The following SPEN variants were observed in gnomAD, a reference collection of about 807,000 sequenced individuals.
SPEN encodes the protein spen family transcriptional repressor.
SPEN carries 18 observed loss-of-function variants against 269.9 expected under a neutral mutation model. That is an observed-to-expected ratio of 0.07 (90% CI 0.05 to 0.10). The LOEUF (loss-of-function observed/expected upper bound fraction) is 0.10. Ranked by LOEUF, SPEN falls within the 10% of genes least tolerant of loss-of-function variation. The pLI, the probability that SPEN is intolerant of heterozygous loss-of-function variation, is 1.00. For missense variants in SPEN, 3,822 were observed against 4,631.2 expected (o/e 0.83, Z 5.07); for synonymous variants, 1,726 against 1,765.7 (o/e 0.98, Z 0.56).
Position 15,930,905 on chromosome 1 carries a change from C to T in SPEN, c.4665C>T (p.Phe1555=). 1 of 1,614,048 alleles carries T rather than the reference C, an allele frequency of 6.2e-7. No homozygotes were observed. Among genetic ancestry groups the T allele is most frequent in the Non-Finnish European group, 8.5e-7 (1 of 1,180,010 alleles). The change falls in exon 11 of 15, where the codon TTC becomes TTT. Residue 1555 remains phenylalanine (F), a synonymous_variant. Transcript: ENST00000375759. This position sits in a 1 kb window ranked among gnomAD's most constrained non-coding sequence, Gnocchi z 5.3. ...HLERKEEDSD[F]ISGRIYGKQT... is the part of the protein sequence containing the mutation. ...AGAGAAAAGAGGAAGATTCTGACTTCATTTCTGGTAGGATCTATGGGAAGC... is the reference window on the plus strand; with the variant it reads ...AGAGAAAAGAGGAAGATTCTGACTTTATTTCTGGTAGGATCTATGGGAAGC...
intron 1 of SPEN, among the ~76,000 whole-genome samples, chr1:15,857,722 A>G (rs1569967034): frequency 6.6e-6 from 1 of 151,676 alleles, no homozygotes; most frequent in African/African-American, 2.4e-5. Flanking sequence ...GTGTAATGGC[A>G]TAATTATGGT....
At chr1:15,918,417 C>G (rs1222050101) in intron 6 of SPEN, among the ~76,000 whole-genome samples, 1 of 152,184 alleles carries the variant, frequency 6.6e-6, no homozygotes, top group African/African-American at 2.4e-5. Flanking sequence ...CAGGTTTTCA[C>G]CGTGTTGGCC....
chr1:15,859,522 A>G (rs2070421445), intron 1 of SPEN, among the ~76,000 whole-genome samples: 1 of 150,996 alleles, frequency 6.6e-6, no homozygotes, highest in African/African-American at 2.4e-5. Flanking sequence ...AGCCCCCGCC[A>G]CCACGCCCGG....
chr1:15,900,479 G>A (rs1020536154), intron 3 of SPEN, among the ~76,000 whole-genome samples: 1 of 152,046 alleles, frequency 6.6e-6, no homozygotes, highest in Admixed American at 6.6e-5. Context: ...TAGTGACCTT[G>A]GTTTTGAATG....
chr1:15,908,238 G>A (rs2070978918), intron 3 of SPEN, among the ~76,000 whole-genome samples: 1 of 151,644 alleles, frequency 6.6e-6, no homozygotes, highest in Admixed American at 6.6e-5. Flanking sequence ...TGTTTGTTTT[G>A]TTTGTTTTAA....
intron 3 of SPEN, among the ~76,000 whole-genome samples, chr1:15,900,416 T>C (rs1051096631): frequency 2.0e-5 from 3 of 152,232 alleles, no homozygotes; most frequent in African/African-American, 7.2e-5. Flanking sequence ...CAATATTGTA[T>C]ATATTTTACT....
At position 15,911,314 on chromosome 1, in the gene SPEN, C is replaced by G. The variant is rs1180235758; in HGVS notation, c.1243+13C>G. ...TGGATAGGTCCAGGTAAGACACAAG[C>G]AAGCTGAGTTTGAGTTACTCATCAC... On this transcript the variant is annotated intron_variant, in intron 5 of 14. Transcript: ENST00000375759. 2 of 1,611,926 alleles carry G rather than the reference C, an allele frequency of 1.2e-6. No homozygotes were observed. The highest frequency in any genetic ancestry group is 1.7e-6 in the Non-Finnish European group (2 of 1,178,306).
intron 1 of SPEN, among the ~76,000 whole-genome samples, chr1:15,870,426 G>T (rs973216632): frequency 1.3e-5 from 2 of 152,088 alleles, no homozygotes; most frequent in African/African-American, 2.4e-5. Context: ...AGTAAAGATG[G>T]GATCTCATTC....
At chr1:15,908,553 G>C (rs2070982624) in intron 3 of SPEN, among the ~76,000 whole-genome samples, 1 of 152,102 alleles carries the variant, frequency 6.6e-6, no homozygotes, top group African/African-American at 2.4e-5. Context: ...CTCCCGAGTG[G>C]CTGGGACTGC....
chr1:15,869,953 C>G (rs1333364622), intron 1 of SPEN, among the ~76,000 whole-genome samples: 1 of 151,928 alleles, frequency 6.6e-6, no homozygotes, highest in East Asian at 1.9e-4. Flanking sequence ...TGCAACCTCA[C>G]TGCCTTCTGG....
At chr1:15,851,573 C>G (rs1007380806) in intron 1 of SPEN, among the ~76,000 whole-genome samples, 2 of 152,280 alleles carry the variant, frequency 1.3e-5, no homozygotes, top group Non-Finnish European at 2.9e-5. Flanking sequence ...TATTTAACAT[C>G]TTTATCTTTT....
intron 1 of SPEN, among the ~76,000 whole-genome samples, chr1:15,867,234 T>C (rs2070523785): frequency 6.6e-6 from 1 of 152,242 alleles, no homozygotes; most frequent in South Asian, 2.1e-4. Context: ...TATTATGGAA[T>C]CATACAGTAT....
intron 10 of SPEN, among the ~76,000 whole-genome samples, chr1:15,926,732 G>A (rs917702901): frequency 3.4e-5 from 5 of 147,562 alleles, no homozygotes; most frequent in Non-Finnish European, 3.0e-5. Context: ...TCGCTGTGTC[G>A]CCCAAGCTGG....
In SPEN at chr1:15,932,774, C is replaced by G; in HGVS notation, c.6534C>G (p.Ile2178Met). 6.2e-7 allele frequency: 1 copy of G among 1,614,196 alleles called. No individual in the cohort carries two copies. The highest frequency in any genetic ancestry group is 8.5e-7 in the Non-Finnish European group (1 of 1,180,028). The change falls in exon 11 of 15, where the codon ATC (isoleucine) becomes ATG (methionine). Residue 2178 changes from isoleucine to methionine, a missense_variant. By Grantham distance (10) the Ile-to-Met change is conservative. Transcript: ENST00000375759. This position sits in a 1 kb window ranked among gnomAD's most constrained non-coding sequence, Gnocchi z 4.2. ...AGCTGGAGCAGGCCGTGGAACACATCGCAAAGCTCGCTGAGGCCTCTGCCT... is the reference window on the plus strand; with the variant it reads ...AGCTGGAGCAGGCCGTGGAACACATGGCAAAGCTCGCTGAGGCCTCTGCCT... ...QMELEQAVEH[I>M]AKLAEASASA...
chr1:15,882,599 G>T (rs1176819153), intron 3 of SPEN, among the ~76,000 whole-genome samples: 1 of 152,206 alleles, frequency 6.6e-6, no homozygotes, highest in African/African-American at 2.4e-5. Flanking sequence ...GATGGAGGTT[G>T]CAGTGAGCCA....
chr1:15,890,966 C>T (rs1032111247), intron 3 of SPEN, among the ~76,000 whole-genome samples: 48 of 152,200 alleles, frequency 3.2e-4, no homozygotes, highest in African/African-American at 1.1e-3. Flanking sequence ...AGCCACATTT[C>T]AAGTGCTCAA....
At chr1:15,858,897 C>T (rs2070412871) in intron 1 of SPEN, among the ~76,000 whole-genome samples, 1 of 152,172 alleles carries the variant, frequency 6.6e-6, no homozygotes, top group African/African-American at 2.4e-5. Context: ...TGAGCCGATA[C>T]TGCGCTGCCG....
intron 3 of SPEN, among the ~76,000 whole-genome samples, chr1:15,894,629 C>G (rs1358349469): frequency 6.6e-6 from 1 of 150,578 alleles, no homozygotes; most frequent in African/African-American, 2.5e-5. Flanking sequence ...CAACCTCCGC[C>G]TCCTGGGTTC....
intron 3 of SPEN, among the ~76,000 whole-genome samples, chr1:15,891,262 C>T (rs745602788): frequency 4.6e-5 from 7 of 152,072 alleles, no homozygotes; most frequent in Non-Finnish European, 8.8e-5. Context: ...TCATGGCTCA[C>T]TGCAACCTTG....
Sources: allele counts gnomAD v4.1 joint callset (sites outside exome capture counted in the v4.1 genomes callset), GRCh38; gene constraint gnomAD v4.1.1; non-coding constraint Gnocchi (gnomAD v3.1); transcripts MANE v1.5; gene names NCBI Gene and HGNC (gene_info 2026-07-23, HGNC 2026-07-21).